The following ASTN2 variants were observed in gnomAD, a reference collection of about 807,000 sequenced individuals.
ASTN2 encodes the protein astrotactin-2.
ASTN2 carries 54 observed loss-of-function variants against 139.8 expected under a neutral mutation model. That is an observed-to-expected ratio of 0.39 (90% CI 0.31 to 0.48). The LOEUF is 0.48. ASTN2 is among the 20% of genes least tolerant of loss of function. The pLI is 0.95. For synonymous variants in ASTN2, 756 were observed against 719.5 expected (o/e 1.05, Z -0.81); for missense variants, 1,565 against 1,725.1 (o/e 0.91, Z 1.64).
intron 14 of ASTN2, 21 bp from the exon 15 acceptor site, chr9:116,729,117 G>A: frequency 6.5e-7 from 1 of 1,543,104 alleles, no homozygotes; most frequent in Non-Finnish European, 8.8e-7. Flanking sequence ...AAATAAGATG[G>A]TCACGTGAGC....
chr9:117,137,609 CA>C (rs1481605180), intron 4 of ASTN2, among the ~76,000 whole-genome samples: 3 of 152,132 alleles, frequency 2.0e-5, no homozygotes, highest in Non-Finnish European at 4.4e-5. Context: ...TTAAACAAAG[CA>C]GCCTAGCTTT....
chr9:117,303,362 T>A (rs767895117), intron 1 of ASTN2, among the ~76,000 whole-genome samples: 14 of 152,062 alleles, frequency 9.2e-5, no homozygotes, highest in Non-Finnish European at 2.1e-4. Context: ...TGAGGTAGAG[T>A]GTGCAGGAAG....
intron 7 of ASTN2, among the ~76,000 whole-genome samples, chr9:116,993,082 C>A (rs916017993): frequency 2.0e-5 from 3 of 152,238 alleles, no homozygotes; most frequent in Non-Finnish European, 1.5e-5. Flanking sequence ...GATGACGTCA[C>A]CCCTCTGCTC....
chr9:116,984,258 T>G (rs763359800), intron 7 of ASTN2, among the ~76,000 whole-genome samples: 1 of 152,224 alleles, frequency 6.6e-6, no homozygotes, highest in Non-Finnish European at 1.5e-5. Context: ...CTATTTTCTG[T>G]GTCCCTACAT....
intron 1 of ASTN2, among the ~76,000 whole-genome samples, chr9:117,388,620 C>T (rs1490443625): frequency 6.6e-6 from 1 of 152,054 alleles, no homozygotes; most frequent in Non-Finnish European, 1.5e-5. Context: ...ACTGATAGAC[C>T]CTGTAATCTA....
At chr9:117,400,233 C>A (rs562714309) in intron 1 of ASTN2, among the ~76,000 whole-genome samples, 2 of 152,220 alleles carry the variant, frequency 1.3e-5, no homozygotes, top group Non-Finnish European at 2.9e-5. Flanking sequence ...AGACTCCAGG[C>A]ACTACCTCCA....
intron 20 of ASTN2, among the ~76,000 whole-genome samples, chr9:116,469,522 G>A (rs551545115): frequency 2.1e-4 from 32 of 152,194 alleles, no homozygotes; most frequent in Admixed American, 8.5e-4. Context: ...CTCTGAGGTC[G>A]GTCAGAAAAG....
chr9:117,200,996 CTTTT>C (rs777675838), intron 3 of ASTN2, among the ~76,000 whole-genome samples: 4 of 94,972 alleles, frequency 4.2e-5, no homozygotes, highest in Non-Finnish European at 7.8e-5. Flanking sequence ...TGGTCCTGGG[CTTTT>C]TTTTTTTTTT....
intron 16 of ASTN2, among the ~76,000 whole-genome samples, chr9:116,680,668 T>C (rs994673312): frequency 6.6e-6 from 1 of 152,178 alleles, no homozygotes; most frequent in African/African-American, 2.4e-5. Context: ...TCAAAAAGCG[T>C]ATCCACCATG....
At chr9:117,183,921 C>T (rs1831135215) in intron 3 of ASTN2, among the ~76,000 whole-genome samples, 1 of 152,180 alleles carries the variant, frequency 6.6e-6, no homozygotes, top group Non-Finnish European at 1.5e-5. Flanking sequence ...CATTTTCTTG[C>T]AATGTGAGGA....
rs1401321001 is a variant in ASTN2, at chr9:116,424,289, G to A, written c.*1562C>T. On this transcript the variant is annotated 3_prime_UTR_variant, in exon 23 of 23. Transcript: ENST00000313400. ...CTAAGCTATCATCACCTCCTTCATG[G>A]AAAATGACAATGGCACCCCTCTCTT... is the stretch of plus-strand genomic sequence containing the variant. Among the ~76,000 whole-genome samples the A allele has an allele frequency of 6.6e-6, 1 of 152,104 alleles. No individual in the cohort carries two copies. The highest frequency in any genetic ancestry group is 1.5e-5 in the Non-Finnish European group (1 of 68,034).
chr9:116,487,209 G>C lies in ASTN2; in HGVS notation c.3497+150C>G. The C allele has an allele frequency of 1.3e-5, 13 of 1,010,892 alleles. No individual in the cohort carries two copies. The South Asian group carries it at 2.1e-4, about 17-fold the overall frequency. The allele number at this position is 1,010,892 out of a possible 1,614,324, so 62.6% of individuals were successfully genotyped here. A position where few individuals can be genotyped will look rare whatever the true frequency, so the allele number is the denominator to read the frequency against. ...TCCATTGTGGCATACTTCTCAAATG[G>C]ACACTTCTAAACCTTAGAATCTCAA... On this transcript the variant is annotated intron_variant, in intron 20 of 22. Transcript: ENST00000313400.
chr9:116,442,333 T>G, intron 21 of ASTN2, 120 bp downstream of exon 21: 1 of 793,990 alleles, frequency 1.3e-6, no homozygotes, highest in Non-Finnish European at 2.2e-6. Flanking sequence ...CTTCAATTTC[T>G]TCTCCCTGTG....
chr9:116,795,423 A>G (rs1018153027), intron 13 of ASTN2, among the ~76,000 whole-genome samples: 4 of 152,248 alleles, frequency 2.6e-5, no homozygotes, highest in African/African-American at 9.6e-5. Context: ...GATGTGTTTC[A>G]TTACAGAATG....
chr9:117,013,721 G>T (rs116379122), intron 6 of ASTN2, among the ~76,000 whole-genome samples: 84 of 152,176 alleles, frequency 5.5e-4, no homozygotes, highest in African/African-American at 2.0e-3. Context: ...AGGCCACTCT[G>T]TAGCATACTC....
intron 4 of ASTN2, among the ~76,000 whole-genome samples, chr9:117,128,171 G>A (rs1179154752): frequency 6.6e-6 from 1 of 151,822 alleles, no homozygotes; most frequent in African/African-American, 2.4e-5. Flanking sequence ...AGAAATCAGG[G>A]TCTGACATTC....
chr9:116,860,334 T>C (rs1040557730), intron 11 of ASTN2, among the ~76,000 whole-genome samples: 3 of 152,226 alleles, frequency 2.0e-5, no homozygotes, highest in African/African-American at 7.2e-5. Flanking sequence ...GCCCCAAATA[T>C]ATCCACTACA....
rs577507275 is a variant in ASTN2, at chr9:117,221,750, C to T, written c.631-7008G>A. 9.9e-5 allele frequency among the ~76,000 whole-genome samples: 15 copies of T among 152,042 alleles called. No individual in the cohort carries two copies. In the South Asian group the frequency reaches 1.7e-3, roughly 17 times the overall value. On this transcript the variant is annotated intron_variant, in intron 2 of 22. Transcript: ENST00000313400. ...GACAGATCTAGTGGGGAAGGGGGCCCGGGATCCAAGTGATCCGAGACGTCT... is the reference window on the plus strand; with the variant it reads ...GACAGATCTAGTGGGGAAGGGGGCCTGGGATCCAAGTGATCCGAGACGTCT...
chr9:116,497,502 G>C (rs1351872082), intron 19 of ASTN2, among the ~76,000 whole-genome samples: 1 of 152,148 alleles, frequency 6.6e-6, no homozygotes, highest in African/African-American at 2.4e-5. Context: ...GCCAACCAAG[G>C]AGTCCTGCAA....
Sources: gnomAD v4.1 joint callset for allele counts (sites outside exome capture counted in the v4.1 genomes callset) on GRCh38, gnomAD v4.1.1 for gene constraint, MANE v1.5 for transcripts, NCBI Gene and HGNC (gene_info 2026-07-23, HGNC 2026-07-21) for gene names.